CSMD1: variants seen among roughly 807,000 people sequenced by gnomAD.
CSMD1 encodes CUB and Sushi multiple domains 1.
A neutral mutation model predicts 417.5 loss-of-function variants in CSMD1; 213 were observed. The observed-to-expected ratio is 0.51, with a 90% CI of 0.46 to 0.57. CSMD1 has a LOEUF of 0.57. CSMD1 is among the 20% of genes least tolerant of loss of function. The pLI is 0.00. For synonymous variants in CSMD1, 2,862 were observed against 1,736.8 expected (o/e 1.65, Z -16.11); for missense variants, 6,923 against 4,529.7 (o/e 1.53, Z -15.17).
intron 10 of CSMD1, among the ~76,000 whole-genome samples, chr8:3,511,998 A>G (rs908575732): frequency 4.0e-5 from 6 of 151,842 alleles, no homozygotes; most frequent in African/African-American, 1.5e-4. Context: ...TGAGTTTACA[A>G]CGTTTCATTT....
chr8:3,432,414 G>A (rs1044025815), intron 12 of CSMD1, among the ~76,000 whole-genome samples: 2 of 151,762 alleles, frequency 1.3e-5, no homozygotes. Flanking sequence ...GGTAATGGTT[G>A]CCAAGTCTTT....
rs112115276 is a variant in CSMD1, at chr8:4,236,274, C to G, written c.415+183679G>C. 2.5e-3 allele frequency among the ~76,000 whole-genome samples: 387 copies of G among 152,044 alleles called. 4 individuals carry two copies. The highest frequency in any genetic ancestry group is 4.5e-3 in the Non-Finnish European group (309 of 67,988). On this transcript the variant is annotated intron_variant, in intron 3 of 69. Coordinates refer to ENST00000635120, the MANE Select transcript of CSMD1 (RefSeq NM_033225.6). The stretch of plus-strand genomic sequence containing the variant: ...AGGGGCTTTATTTGTAATTGGCACA[C>G]TGATCGGAATTCTTACAGAAACTAG...
At chr8:4,240,285 G>A (rs950692779) in intron 3 of CSMD1, among the ~76,000 whole-genome samples, 1 of 152,166 alleles carries the variant, frequency 6.6e-6, no homozygotes, top group African/African-American at 2.4e-5. Context: ...ACCTCTGATT[G>A]CTTTGACCCT....
intron 1 of CSMD1, among the ~76,000 whole-genome samples, chr8:4,959,529 T>C (rs990721859): frequency 6.6e-6 from 1 of 152,252 alleles, no homozygotes; most frequent in Non-Finnish European, 1.5e-5. Context: ...AACTTCCAGC[T>C]GCTCCATGGT....
At chr8:4,418,614 G>C (rs1439820261) in intron 3 of CSMD1, among the ~76,000 whole-genome samples, 2 of 152,128 alleles carry the variant, frequency 1.3e-5, no homozygotes, top group African/African-American at 4.8e-5. Flanking sequence ...CTGGCATATA[G>C]CTGGTATGGA....
rs541411646 is a variant in CSMD1 at position 3,835,603 on chromosome 8, C to G, written c.819-81561G>C. On this transcript the variant is annotated intron_variant, in intron 5 of 69. Transcript: ENST00000635120. ...GGAGGGATAGCATTAGGAGATATGC[C>G]TAATGCTAAATGACGAGTTAATGGG... is the stretch of plus-strand genomic sequence containing the variant. Among the ~76,000 whole-genome samples, 165 of 151,868 alleles carry G rather than the reference C, an allele frequency of 1.1e-3. 1 individual carries two copies. The highest frequency in any genetic ancestry group is 4.8e-3 in the South Asian group (23 of 4,802).
intron 23 of CSMD1, among the ~76,000 whole-genome samples, chr8:3,323,281 CCT>C (rs1217715549): frequency 6.6e-6 from 1 of 151,996 alleles, no homozygotes; most frequent in African/African-American, 2.4e-5. Context: ...TAAAATCTTA[CCT>C]CTCTCTATTT....
At chr8:3,611,293 G>T (rs11784215) in intron 8 of CSMD1, among the ~76,000 whole-genome samples, 1 of 151,810 alleles carries the variant, frequency 6.6e-6, no homozygotes, top group African/African-American at 2.4e-5. Context: ...GAAAATGATT[G>T]TTTTAATAAA....
rs552564183 is a variant in CSMD1 at position 4,038,523 on chromosome 8, C to A, written c.416-6424G>T. On this transcript the variant is annotated intron_variant, in intron 3 of 69. Transcript: ENST00000635120. ...AACCCAATGTCATTTCTGCCAATTT[C>A]ATTTTAACTGAATTTTAACCAGTTT... Among the ~76,000 whole-genome samples, 16 of 152,260 alleles carry A rather than the reference C, an allele frequency of 1.1e-4. No individual in the cohort carries two copies. The South Asian group carries it at 3.1e-3, about 30-fold the overall frequency.
rs1799511481 is a variant in CSMD1 at position 4,456,744 on chromosome 8, G to C, written c.303-36679C>G. 2.6e-5 allele frequency among the ~76,000 whole-genome samples: 4 copies of C among 152,134 alleles called. No individual in the cohort carries two copies. The South Asian group carries it at 8.3e-4, about 32-fold the overall frequency. ...CTGCTGCATCAGTCCTTACTGTCTA[G>C]TTGCTAGATCCTAGGGAGAAGACCC... On this transcript the variant is annotated intron_variant, in intron 2 of 69. Coordinates refer to ENST00000635120, the MANE Select transcript of CSMD1 (RefSeq NM_033225.6).
intron 10 of CSMD1, among the ~76,000 whole-genome samples, chr8:3,532,419 C>G (rs983735038): frequency 2.0e-5 from 3 of 152,164 alleles, no homozygotes; most frequent in Admixed American, 1.3e-4. Context: ...GAAAGATGGA[C>G]TTGTGGCAAC....
chr8:4,348,579 G>A (rs1315092234), intron 3 of CSMD1, among the ~76,000 whole-genome samples: 2 of 143,334 alleles, frequency 1.4e-5, no homozygotes, highest in Non-Finnish European at 3.0e-5. Flanking sequence ...ATCTGTGTGT[G>A]TGTATGCATG....
intron 1 of CSMD1, among the ~76,000 whole-genome samples, chr8:4,815,082 G>A (rs1197135992): frequency 6.6e-6 from 1 of 151,956 alleles, no homozygotes; most frequent in Non-Finnish European, 1.5e-5. Context: ...TATCCCGCTG[G>A]GTGACCTAAA....
rs1358959293 is a variant in CSMD1 at position 3,741,227 on chromosome 8, A to C, written c.931+12703T>G. 5.2e-4 allele frequency among the ~76,000 whole-genome samples: 79 copies of C among 151,102 alleles called. 2 individuals carry two copies. The highest frequency in any genetic ancestry group is 9.2e-4 in the Admixed American group (14 of 15,202). On this transcript the variant is annotated intron_variant, in intron 6 of 69. Coordinates refer to ENST00000635120, the MANE Select transcript of CSMD1 (RefSeq NM_033225.6). ...AGACTCCGTCTTAAAAAAAAAAAAA[A>C]AAAAAAAAAAAAAACATACAGAAGA...
intron 6 of CSMD1, among the ~76,000 whole-genome samples, chr8:3,711,036 T>C (rs1214992601): frequency 6.6e-6 from 1 of 152,144 alleles, no homozygotes; most frequent in East Asian, 1.9e-4. Context: ...AAACACATAT[T>C]ATGTCTAAAC....
At chr8:3,809,465 T>C (rs190201407) in intron 5 of CSMD1, among the ~76,000 whole-genome samples, 2 of 152,314 alleles carry the variant, frequency 1.3e-5, no homozygotes, top group African/African-American at 4.8e-5. Flanking sequence ...TTCCTGGGGA[T>C]AGTTCATACT....
chr8:4,584,885 C>T (rs75715016), intron 2 of CSMD1, among the ~76,000 whole-genome samples: 6,271 of 152,112 alleles, frequency 0.041, 423 homozygotes, highest in African/African-American at 0.14. Flanking sequence ...CTGTGGATTG[C>T]ATTGGATTGG....
At chr8:4,680,589 GT>G (rs763747874) in intron 1 of CSMD1, among the ~76,000 whole-genome samples, 14 of 151,760 alleles carry the variant, frequency 9.2e-5, no homozygotes, top group Non-Finnish European at 1.6e-4. Context: ...TAGTTTTTGT[GT>G]TTGTTTTTGT....
intron 1 of CSMD1, among the ~76,000 whole-genome samples, chr8:4,893,372 A>T (rs1455174070): frequency 6.6e-6 from 1 of 151,994 alleles, no homozygotes; most frequent in Non-Finnish European, 1.5e-5. Context: ...TTTGTTTACC[A>T]TGCTTTTATT....
Sources: gnomAD v4.1 joint callset for allele counts (sites outside exome capture counted in the v4.1 genomes callset) on GRCh38, gnomAD v4.1.1 for gene constraint, MANE v1.5 for transcripts, NCBI Gene and HGNC (gene_info 2026-07-23, HGNC 2026-07-21) for gene names.